Variants in RBFOX1 observed in about 807,000 individuals in gnomAD.
RBFOX1 encodes RNA binding protein fox-1 homolog 1.
Under a neutral mutation model 57.7 loss-of-function variants are expected in RBFOX1, and 8 were observed. The observed-to-expected ratio is 0.14, with a 90% CI of 0.08 to 0.25. RBFOX1 has a LOEUF of 0.25. Among genes scored for constraint, RBFOX1 ranks in the 10% least tolerant of loss-of-function variants. The pLI is 1.00. For missense variants in RBFOX1, 611 were observed against 548.5 expected, an observed-to-expected ratio of 1.11 and a Z score of -1.14; for synonymous variants, 326 against 222.4, an observed-to-expected ratio of 1.47 and a Z score of -4.15.
chr16:6,717,630 A>G (rs2065092849), intron 3 of RBFOX1, among the ~76,000 whole-genome samples: 1 of 151,598 alleles, frequency 6.6e-6, no homozygotes, highest in Admixed American at 6.6e-5. Context: ...TACATGTCAC[A>G]TCCTGGATCG....
intron 3 of RBFOX1, among the ~76,000 whole-genome samples, chr16:5,606,282 T>C (rs2047575551): frequency 6.6e-6 from 1 of 152,148 alleles, no homozygotes; most frequent in Non-Finnish European, 1.5e-5. Context: ...GTTCCCTGAC[T>C]GCAGACCTTT....
At chr16:6,052,884 C>A (rs1395862583) in intron 1 of RBFOX1, among the ~76,000 whole-genome samples, 1 of 151,128 alleles carries the variant, frequency 6.6e-6, no homozygotes, top group African/African-American at 2.4e-5. Flanking sequence ...TGAGATCGCT[C>A]AAGTAAAATC....
intron 4 of RBFOX1, among the ~76,000 whole-genome samples, chr16:5,868,509 G>C (rs2057394048): frequency 6.6e-6 from 1 of 152,230 alleles, no homozygotes; most frequent in Non-Finnish European, 1.5e-5. Flanking sequence ...TGTGGAGGCA[G>C]ATTCTCGCAG....
chr16:6,621,351 C>A (rs572095895), intron 2 of RBFOX1, among the ~76,000 whole-genome samples: 79 of 152,276 alleles, frequency 5.2e-4, no homozygotes, highest in South Asian at 8.3e-4. Flanking sequence ...GTAGTCCCAG[C>A]TACTCGGGAG....
At chr16:5,945,249 C>G (rs1291420619) in intron 4 of RBFOX1, among the ~76,000 whole-genome samples, 1 of 152,138 alleles carries the variant, frequency 6.6e-6, no homozygotes, top group Non-Finnish European at 1.5e-5. Context: ...GTGGGTCTTA[C>G]CTTTGGTTTT....
chr16:5,255,249 C>G (rs1305148480), intron 1 of RBFOX1, among the ~76,000 whole-genome samples: 7 of 152,054 alleles, frequency 4.6e-5, no homozygotes, highest in African/African-American at 1.7e-4. Flanking sequence ...GAAAATCACT[C>G]AATTCTTTGG....
At chr16:5,916,296 C>T (rs2058702509) in intron 4 of RBFOX1, among the ~76,000 whole-genome samples, 1 of 152,142 alleles carries the variant, frequency 6.6e-6, no homozygotes, top group Non-Finnish European at 1.5e-5. Context: ...CTTAATTCCC[C>T]CCTCCTTTGT....
At chr16:6,950,041 G>T (rs983866885) in intron 3 of RBFOX1, among the ~76,000 whole-genome samples, 2 of 151,392 alleles carry the variant, frequency 1.3e-5, no homozygotes, top group Non-Finnish European at 2.9e-5. Context: ...CTGCCTCCTG[G>T]GTTCAAGTGA....
chr16:7,541,974 A>G (rs1167114106), intron 5 of RBFOX1, among the ~76,000 whole-genome samples: 1 of 152,222 alleles, frequency 6.6e-6, no homozygotes, highest in African/African-American at 2.4e-5. Context: ...TCAGCTTGAC[A>G]TTAGAGAGAT....
chr16:6,923,045 C>T (rs765996144), intron 3 of RBFOX1, among the ~76,000 whole-genome samples: 16 of 152,096 alleles, frequency 1.1e-4, no homozygotes, highest in Admixed American at 1.3e-4. Flanking sequence ...AGTGCAGTAC[C>T]GTCGGCTGTT....
chr16:5,803,120 G>C (rs185294797), intron 3 of RBFOX1, among the ~76,000 whole-genome samples: 38 of 152,246 alleles, frequency 2.5e-4, no homozygotes, highest in Admixed American at 1.3e-3. Flanking sequence ...ACTATAGTCA[G>C]AGGGTCTCTC....
At chr16:5,912,609 A>C (rs2152212488) in intron 4 of RBFOX1, among the ~76,000 whole-genome samples, 1 of 152,346 alleles carries the variant, frequency 6.6e-6, no homozygotes, top group East Asian at 1.9e-4. Flanking sequence ...GGCATCTGGC[A>C]AAACACCAGC....
intron 2 of RBFOX1, among the ~76,000 whole-genome samples, chr16:5,514,797 G>C (rs1324187675): frequency 2.0e-5 from 3 of 152,078 alleles, no homozygotes; most frequent in Non-Finnish European, 4.4e-5. Context: ...GGAGAAAAAA[G>C]AGATAACATA....
At chr16:6,002,174 G>C (rs2152330244) in intron 4 of RBFOX1, among the ~76,000 whole-genome samples, 1 of 152,162 alleles carries the variant, frequency 6.6e-6, no homozygotes, top group Middle Eastern at 3.4e-3. Context: ...ACTAGGTCTT[G>C]ATATGTTGCC....
intron 5 of RBFOX1, among the ~76,000 whole-genome samples, chr16:7,538,216 CT>C (rs2082013740): frequency 6.6e-6 from 1 of 152,146 alleles, no homozygotes; most frequent in Non-Finnish European, 1.5e-5. Context: ...TATCTCGTGC[CT>C]GGGCTTCACT....
At chr16:6,377,682 C>A (rs905363079) in intron 2 of RBFOX1, among the ~76,000 whole-genome samples, 8 of 152,220 alleles carry the variant, frequency 5.3e-5, no homozygotes, top group Non-Finnish European at 1.2e-4. Flanking sequence ...GTTCTACCCT[C>A]TACAGTGTTT....
At chr16:7,279,481 A>G (rs574647853) in intron 4 of RBFOX1, among the ~76,000 whole-genome samples, 7 of 152,188 alleles carry the variant, frequency 4.6e-5, no homozygotes, top group Admixed American at 3.3e-4. Context: ...GCCTGAGCGC[A>G]GCGTCCAGGT....
rs544433750 is a variant in RBFOX1 at position 6,977,090 on chromosome 16, T to A, written c.-15-74967T>A. Among the ~76,000 whole-genome samples the A allele has an allele frequency of 5.0e-5, 7 of 140,352 alleles. No homozygotes were observed. In the South Asian group the frequency reaches 9.0e-4, roughly 18 times the overall value. 92.1% of individuals were successfully genotyped at this position (140,352 alleles called of 152,430 possible). A position where few individuals can be genotyped will look rare whatever the true frequency, so the allele number is the denominator to read the frequency against. On this transcript the variant is annotated intron_variant, in intron 3 of 15. Transcript: ENST00000550418. ...TACTTTATCATATATGATCTATATT[T>A]TATATATATATCATATATATGATCT...
chr16:6,699,319 G>A (rs529202884), intron 3 of RBFOX1, among the ~76,000 whole-genome samples: 1 of 140,312 alleles, frequency 7.1e-6, no homozygotes, highest in Non-Finnish European at 1.5e-5. Flanking sequence ...TTTTTTTAAA[G>A]TGACTTTCAG....
Sources: allele counts gnomAD v4.1 joint callset (sites outside exome capture counted in the v4.1 genomes callset), GRCh38; gene constraint gnomAD v4.1.1; transcripts MANE v1.5; gene names NCBI Gene and HGNC (gene_info 2026-07-23, HGNC 2026-07-21).